Variants in TSPO observed in about 807,000 individuals in gnomAD.
The protein encoded by TSPO is benzodiazepine peripheral binding site.
Under a neutral mutation model 13.9 loss-of-function variants are expected in TSPO, and 14 were observed. The ratio of observed to expected loss-of-function variants is 1.01; its 90% CI spans 0.67 to 1.58. The LOEUF is 1.58. TSPO is among the 40% of genes most tolerant of loss of function. The probability of loss-of-function intolerance (pLI) is 0.00; values close to 1 mark genes in which losing one functional copy is unlikely to be tolerated. For synonymous variants in TSPO, 114 were observed against 105.9 expected, an observed-to-expected ratio of 1.08 and a Z score of -0.47; for missense variants, 232 against 229.6, an observed-to-expected ratio of 1.01 and a Z score of -0.07.
intron 1 of TSPO, among the ~76,000 whole-genome samples, chr22:43,155,394 G>A (rs1011665161): frequency 1.3e-5 from 2 of 152,190 alleles, no homozygotes; most frequent in Admixed American, 1.3e-4. Flanking sequence ...ACCTTCTCCT[G>A]CCTCTACGTC....
At chr22:43,159,972 A>G (rs1931383325) in intron 2 of TSPO, among the ~76,000 whole-genome samples, 1 of 152,160 alleles carries the variant, frequency 6.6e-6, no homozygotes, top group African/African-American at 2.4e-5. Flanking sequence ...TGGTGGCTGT[A>G]GCGGGGACCA....
intron 3 of TSPO, 24 bp from the exon 4 acceptor site, chr22:43,162,779 T>G (rs1931484113): frequency 2.0e-6 from 3 of 1,527,022 alleles, no homozygotes; most frequent in African/African-American, 1.4e-5. Flanking sequence ...GGCCTCCCCA[T>G]CCTCCGTCCC....
chr22:43,159,431 G>T lies in TSPO; in HGVS notation c.182+11G>T. 1 of 1,497,186 alleles carries T rather than the reference G, an allele frequency of 6.7e-7. No homozygotes were observed. Among genetic ancestry groups the T allele is most frequent in the East Asian group, 2.6e-5 (1 of 39,150 alleles). 92.7% of individuals were successfully genotyped at this position (1,497,186 alleles called of 1,614,324 possible). A position where few individuals can be genotyped will look rare whatever the true frequency, so the allele number is the denominator to read the frequency against. On this transcript the variant is annotated intron_variant, in intron 2 of 3. Coordinates refer to ENST00000337554, the MANE Select transcript of TSPO (RefSeq NM_000714.6). ...CTACTCAGCCATGGGGTAGGTGGGC[G>T]TGCACTGGCCTGGGGATAAGCCTGG...
At chr22:43,162,207 C>T (rs377188753) in intron 3 of TSPO, among the ~76,000 whole-genome samples, 21 of 152,108 alleles carry the variant, frequency 1.4e-4, no homozygotes, top group African/African-American at 4.8e-4. Context: ...CTGCAACCTC[C>T]GTCTCCCAGG....
chr22:43,152,172 C>T (rs1931093414), intron 1 of TSPO: 1 of 152,360 alleles, frequency 6.6e-6, no homozygotes, highest in South Asian at 2.1e-4. Flanking sequence ...CGAGCAGCCT[C>T]TGGGACCTGT....
chr22:43,159,953 G>A (rs1211732274), intron 2 of TSPO, among the ~76,000 whole-genome samples: 1 of 152,196 alleles, frequency 6.6e-6, no homozygotes, highest in Non-Finnish European at 1.5e-5. Context: ...GGAGGGGCAG[G>A]GCGCCTCTTG....
chr22:43,160,997 G>A, intron 2 of TSPO, 55 bp from the exon 3 acceptor site: 1 of 1,564,568 alleles, frequency 6.4e-7, no homozygotes, highest in Non-Finnish European at 8.7e-7. Context: ...TCGGAGGTGG[G>A]CAACGCTCCT....
chr22:43,157,416 G>T (rs1351014304), intron 1 of TSPO, among the ~76,000 whole-genome samples: 1 of 152,120 alleles, frequency 6.6e-6, no homozygotes, highest in African/African-American at 2.4e-5. Context: ...CATTTTTGCA[G>T]CGACCTTGGG....
At chr22:43,153,981 A>T (rs1478669573) in intron 1 of TSPO, among the ~76,000 whole-genome samples, 1 of 152,038 alleles carries the variant, frequency 6.6e-6, no homozygotes, top group Non-Finnish European at 1.5e-5. Context: ...TTACTAAAAA[A>T]AAGTTTAACC....
chr22:43,159,918 A>C (rs914956507), intron 2 of TSPO, among the ~76,000 whole-genome samples: 2 of 152,022 alleles, frequency 1.3e-5, no homozygotes, highest in Admixed American at 6.5e-5. Context: ...AGACCAGGGG[A>C]ATTCCACCCG....
chr22:43,154,940 G>A (rs946103121), intron 1 of TSPO, among the ~76,000 whole-genome samples: 2 of 152,094 alleles, frequency 1.3e-5, no homozygotes, highest in African/African-American at 4.8e-5. Context: ...CTGGCCCTGA[G>A]AGAACCTTCT....
At position 43,159,286 on chromosome 22, in the gene TSPO, C is replaced by A. The variant is rs1203256113; in HGVS notation, c.48C>A (p.Ser16Arg). 1.3e-6 allele frequency: 2 copies of A among 1,555,260 alleles called. No individual in the cohort carries two copies. Among genetic ancestry groups the A allele is most frequent in the Non-Finnish European group, 8.7e-7 (1 of 1,150,084 alleles). Reference protein sequence around the residue: ...VPAMGFTLAPSLGCFVGSRFV... With the variant: ...VPAMGFTLAPRLGCFVGSRFV... ...CCATGGGCTTCACGCTGGCGCCCAG[C>A]CTGGGGTGCTTCGTGGGCTCCCGCT... The change falls in exon 2 of 4, where the codon AGC becomes AGA. Residue 16 changes from serine to arginine, a missense_variant. Transcript: ENST00000337554.
Position 43,163,148 on chromosome 22 carries a change from C to CA in TSPO, c.*158dup. 6.8e-7 allele frequency: 1 copy of CA among 1,463,488 alleles called. No individual in the cohort carries two copies. Among genetic ancestry groups the CA allele is most frequent in the Admixed American group, 2.5e-5 (1 of 40,314 alleles). 90.7% of individuals were successfully genotyped at this position (1,463,488 alleles called of 1,614,324 possible). A position where few individuals can be genotyped will look rare whatever the true frequency, so the allele number is the denominator to read the frequency against. On this transcript the variant is annotated 3_prime_UTR_variant, in exon 4 of 4. Transcript: ENST00000337554. ...TCAGAGGTGGCCCCACCTGAGCCCC[C>CA]ACCCGGGAGCAGTGTCCTGTGCTTT...
chr22:43,161,294 G>A (rs1201859696), intron 3 of TSPO, 104 bp downstream of exon 3: 65 of 1,458,720 alleles, frequency 4.5e-5, no homozygotes, highest in Non-Finnish European at 3.9e-5. Context: ...CGGGGCCAGG[G>A]GAGACAAAAG....
chr22:43,159,492 G>A (rs1228504608), intron 2 of TSPO, 72 bp downstream of exon 2: 1 of 1,338,444 alleles, frequency 7.5e-7, no homozygotes, highest in East Asian at 3.0e-5. Context: ...AGGACAGAGG[G>A]TCTTCTCCAG....
At chr22:43,153,958 GTTTC>G (rs1206336768) in intron 1 of TSPO, among the ~76,000 whole-genome samples, 1 of 151,886 alleles carries the variant, frequency 6.6e-6, no homozygotes, top group Non-Finnish European at 1.5e-5. Flanking sequence ...CGGCCAGGCT[GTTTC>G]TTTATTTTTT....
In TSPO at chr22:43,159,266, G is replaced by T; in HGVS notation, c.28G>T (p.Gly10Cys). MAPPWVPAM[G>C]FTLAPSLGCF... is the part of the protein sequence containing the mutation. ...GGCCCCGCCCTGGGTGCCCGCCATG[G>T]GCTTCACGCTGGCGCCCAGCCTGGG... Residue 10 changes from glycine (G) to cysteine (C), a missense_variant, in exon 2 of 4, where the codon GGC (glycine) becomes TGC (cysteine). By Grantham distance (159) the Gly-to-Cys change is radical. Coordinates refer to ENST00000337554, the MANE Select transcript of TSPO (RefSeq NM_000714.6). 1 of 1,560,388 alleles carries T rather than the reference G, an allele frequency of 6.4e-7. No individual in the cohort carries two copies.
At chr22:43,158,255 G>C (rs961422754) in intron 1 of TSPO, among the ~76,000 whole-genome samples, 3 of 152,158 alleles carry the variant, frequency 2.0e-5, no homozygotes, top group Non-Finnish European at 4.4e-5. Flanking sequence ...CCTGGTCCCT[G>C]GTCAGAGGGT....
intron 3 of TSPO, among the ~76,000 whole-genome samples, chr22:43,162,596 G>C (rs1447239817): frequency 6.6e-6 from 1 of 152,194 alleles, no homozygotes; most frequent in Non-Finnish European, 1.5e-5. Flanking sequence ...CACAAGGCAT[G>C]GGTCAGGTGG....
Sources: gnomAD v4.1 joint callset for allele counts (sites outside exome capture counted in the v4.1 genomes callset) on GRCh38, gnomAD v4.1.1 for gene constraint, MANE v1.5 for transcripts, NCBI Gene and HGNC (gene_info 2026-07-23, HGNC 2026-07-21) for gene names.